Variants in ERAP1 observed in about 807,000 individuals in gnomAD.
ERAP1 encodes endoplasmic reticulum aminopeptidase 1, also known as adipocyte-derived leucine aminopeptidase.
A neutral mutation model predicts 103.7 loss-of-function variants in ERAP1; 86 were observed. The observed-to-expected ratio is 0.83, with a 90% CI of 0.70 to 0.99. The LOEUF is 0.99. Among genes scored for constraint, ERAP1 ranks in the 50% least tolerant of loss-of-function variants. The pLI, the probability that ERAP1 is intolerant of heterozygous loss-of-function variation, is 0.00. For synonymous variants in ERAP1, 398 were observed against 402.4 expected, an observed-to-expected ratio of 0.99 and a Z score of 0.13; for missense variants, 1,009 against 1,128.4, an observed-to-expected ratio of 0.89 and a Z score of 1.52.
At chr5:96,781,991 G>T (rs1387389382) in intron 15 of ERAP1, 137 bp from the exon 16 acceptor site, 2 of 797,262 alleles carry the variant, frequency 2.5e-6, no homozygotes, top group African/African-American at 1.8e-5. Context: ...AAAAACTACT[G>T]ATTTCCTTCA....
At chr5:96,871,100 C>G in the ERAP1 span, among the ~76,000 whole-genome samples, 1 of 152,244 alleles carries the variant, frequency 6.6e-6, no homozygotes, top group Non-Finnish European at 1.5e-5. Context: ...CTGCAGCTCT[C>G]TCCTCTTTGG....
intron 1 of ERAP1, among the ~76,000 whole-genome samples, chr5:96,807,549 C>T (rs900019874): frequency 6.6e-6 from 1 of 152,132 alleles, no homozygotes; most frequent in Admixed American, 6.5e-5. Flanking sequence ...GGCGCACCGG[C>T]CACGCGCCCG....
intron 2 of ERAP1, among the ~76,000 whole-genome samples, chr5:96,801,738 G>A (rs1778016355): frequency 6.6e-6 from 1 of 150,714 alleles, no homozygotes; most frequent in Admixed American, 6.7e-5. Flanking sequence ...TGTAATCCCA[G>A]CTACTCAGGA....
the ERAP1 span, among the ~76,000 whole-genome samples, chr5:96,877,979 AAAG>A: frequency 6.6e-6 from 1 of 152,240 alleles, no homozygotes; most frequent in Non-Finnish European, 1.5e-5. Context: ...AGGATTATAA[AAAG>A]AAGAAGTAGC....
At chr5:96,802,552 T>C (rs1373530448) in intron 2 of ERAP1, among the ~76,000 whole-genome samples, 3 of 152,166 alleles carry the variant, frequency 2.0e-5, no homozygotes, top group Admixed American at 6.5e-5. Context: ...TACCAACAAA[T>C]AAAATTCCAT....
At chr5:96,927,192 C>T in the ERAP1 span, among the ~76,000 whole-genome samples, 2 of 152,196 alleles carry the variant, frequency 1.3e-5, no homozygotes, top group African/African-American at 4.8e-5. Context: ...TGCTGGATCA[C>T]ATGGTAACTG....
chr5:96,870,477 TC>T, the ERAP1 span, among the ~76,000 whole-genome samples: 2 of 152,164 alleles, frequency 1.3e-5, no homozygotes. Context: ...AATCATAGAA[TC>T]ACCCCCACTT....
the ERAP1 span, among the ~76,000 whole-genome samples, chr5:96,856,349 A>AAAAATATATATATATATATATATAT: frequency 1.2e-4 from 1 of 8,538 alleles, no homozygotes; most frequent in Non-Finnish European, 2.3e-4. Flanking sequence ...AAAAAAAAAA[A>AAAAATATATATATATATATATATAT]ATATATATAT....
At chr5:96,930,468 C>A in the ERAP1 span, among the ~76,000 whole-genome samples, 1 of 152,128 alleles carries the variant, frequency 6.6e-6, no homozygotes, top group Non-Finnish European at 1.5e-5. Context: ...ATATATTTGG[C>A]CACCCTGCTC....
chr5:96,871,554 C>A, the ERAP1 span, among the ~76,000 whole-genome samples: 1 of 152,140 alleles, frequency 6.6e-6, no homozygotes, highest in African/African-American at 2.4e-5. Context: ...CTCAGAATCA[C>A]CCTGGTTTAT....
At chr5:96,880,156 G>A in the ERAP1 span, 19 of 1,613,888 alleles carry the variant, frequency 1.2e-5, 1 homozygote, top group Admixed American at 1.7e-5. Context: ...AGAAACTTAC[G>A]CCTCACCTGA....
chr5:96,819,901 C>T, the ERAP1 span, among the ~76,000 whole-genome samples: 1 of 152,184 alleles, frequency 6.6e-6, no homozygotes, highest in African/African-American at 2.4e-5. Flanking sequence ...ACAATTTTGA[C>T]TATTTGGGTG....
At position 96,803,436 on chromosome 5, in the gene ERAP1, T is replaced by G; in HGVS notation, c.491A>C (p.Lys164Thr). ...NLSETFHGFYKSTYRTKEGEL... is the reference protein window; with the variant it reads ...NLSETFHGFYTSTYRTKEGEL... ...CCCTTCCTTGGTTCTGTAGGTGCTT[T>G]TGTAAAATCCGTGGAAAGTCTCCGA... The change falls in exon 2 of 19, where the codon AAA becomes ACA. Residue 164 changes from lysine (K) to threonine (T), a missense_variant. By Grantham distance (78) the Lys-to-Thr change is moderately conservative (BLOSUM62 -1). Around this residue, in one of 3 missense-constraint regions of ERAP1, gnomAD observed 392 missense variants for 455.2 expected, o/e 0.86. Coordinates refer to ENST00000443439, the MANE Select transcript of ERAP1 (RefSeq NM_001040458.3). 6.2e-7 allele frequency: 1 copy of G among 1,612,838 alleles called. No individual in the cohort carries two copies. Among genetic ancestry groups the G allele is most frequent in the Non-Finnish European group, 8.5e-7 (1 of 1,179,724 alleles).
the ERAP1 span, among the ~76,000 whole-genome samples, chr5:96,929,835 T>C: frequency 6.6e-6 from 1 of 152,006 alleles, no homozygotes; most frequent in Non-Finnish European, 1.5e-5. Context: ...TTACATTGTA[T>C]TTAATGGCTC....
the ERAP1 span, chr5:96,883,802 G>C: frequency 6.2e-7 from 1 of 1,610,404 alleles, no homozygotes; most frequent in East Asian, 2.2e-5. Context: ...AATTCTTGCA[G>C]TAACAGATTT....
chr5:96,794,044 A>G lies in ERAP1; in HGVS notation c.920-87T>C, dbSNP rs1777037539. ...AATCTTCAGAATGGATAGGTGTTTG[A>G]ACCAGCTGCCCGTGCATAATCATGG... On this transcript the variant is annotated intron_variant, in intron 5 of 18. Transcript: ENST00000443439. The G allele has an allele frequency of 3.7e-6, 5 of 1,358,982 alleles. No homozygotes were observed. The East Asian group carries it at 1.1e-4, about 31-fold the overall frequency. 84.2% of individuals were successfully genotyped at this position (1,358,982 alleles called of 1,614,324 possible).
chr5:96,840,254 C>A, the ERAP1 span, among the ~76,000 whole-genome samples: 2 of 152,088 alleles, frequency 1.3e-5, no homozygotes, highest in Non-Finnish European at 2.9e-5. Context: ...ACTTATTAAC[C>A]CCAACATTAT....
upstream of ERAP1, among the ~76,000 whole-genome samples, chr5:96,811,761 T>C (rs573344444): frequency 6.6e-6 from 1 of 152,344 alleles, no homozygotes; most frequent in African/African-American, 2.4e-5. Context: ...TCTAGAATTG[T>C]GGATCCTGAA....
the ERAP1 span, among the ~76,000 whole-genome samples, chr5:96,847,083 CA>C: frequency 0.33 from 43,600 of 133,424 alleles, 7,355 homozygotes; most frequent in African/African-American, 0.47. Flanking sequence ...TACTAAAATA[CA>C]AAAAAAAAAA....
Sources: allele counts gnomAD v4.1 joint callset (sites outside exome capture counted in the v4.1 genomes callset), GRCh38; gene constraint gnomAD v4.1.1; regional missense constraint gnomAD v4.1.1; transcripts MANE v1.5; gene names NCBI Gene and HGNC (gene_info 2026-07-23, HGNC 2026-07-21).